Variants in VRK2 observed in about 807,000 individuals in gnomAD.
VRK2 encodes serine/threonine-protein kinase VRK2.
A neutral mutation model predicts 57.6 loss-of-function variants in VRK2; 60 were observed. That is an observed-to-expected ratio of 1.04 (90% CI 0.85 to 1.29). The LOEUF is 1.29. Ranked by LOEUF, VRK2 falls within the 50% of genes most tolerant of loss-of-function variation. VRK2 has a pLI of 0.00. For synonymous variants in VRK2, 231 were observed against 199.2 expected, an observed-to-expected ratio of 1.16 and a Z score of -1.35; for missense variants, 705 against 588.1, an observed-to-expected ratio of 1.20 and a Z score of -2.06.
Position 58,014,780 on chromosome 2 carries a change from A to C in VRK2, c.-438-10885A>C, listed in dbSNP as rs1423738098. ...GATACCACATTTTAGAACTTTTGTT[A>C]GTTTTATAAAAAAGAGACACATTAA... On this transcript the variant is annotated intron_variant, in intron 1 of 15. Transcript: ENST00000417641. Among the ~76,000 whole-genome samples, 4 of 152,196 alleles carry C rather than the reference A, an allele frequency of 2.6e-5. No homozygotes were observed. The East Asian group carries it at 7.7e-4, about 29-fold the overall frequency.
At chr2:58,122,772 A>T (rs11125743) in intron 7 of VRK2, among the ~76,000 whole-genome samples, 33,958 of 152,014 alleles carry the variant, frequency 0.22, 4,136 homozygotes, top group African/African-American at 0.33. Flanking sequence ...GAGCCTCCTC[A>T]ACTGTGTGAA....
intron 1 of VRK2, among the ~76,000 whole-genome samples, chr2:57,971,254 TA>T (rs1312156743): frequency 6.6e-6 from 1 of 152,002 alleles, no homozygotes; most frequent in Non-Finnish European, 1.5e-5. Flanking sequence ...TGGGATAACA[TA>T]GTACTCACTT....
intron 2 of VRK2, among the ~76,000 whole-genome samples, chr2:58,049,568 C>T (rs1390626542): frequency 6.6e-6 from 1 of 152,080 alleles, no homozygotes; most frequent in Non-Finnish European, 1.5e-5. Flanking sequence ...CTTTACATTG[C>T]ATTTAAGCAT....
At chr2:58,099,025 A>G (rs541436700) in intron 7 of VRK2, among the ~76,000 whole-genome samples, 1 of 152,012 alleles carries the variant, frequency 6.6e-6, no homozygotes, top group African/African-American at 2.4e-5. Flanking sequence ...ACAATCGATA[A>G]CTAGAACAGT....
chr2:57,949,719 T>C (rs982083976), intron 1 of VRK2, among the ~76,000 whole-genome samples: 2 of 152,120 alleles, frequency 1.3e-5, no homozygotes, highest in African/African-American at 4.8e-5. Flanking sequence ...AATCAAAAGC[T>C]AGAAATGATT....
chr2:58,004,957 T>C (rs1329907681), intron 1 of VRK2, among the ~76,000 whole-genome samples: 1 of 152,162 alleles, frequency 6.6e-6, no homozygotes, highest in Non-Finnish European at 1.5e-5. Context: ...TACAGTCCAG[T>C]TAGCTGGTCA....
rs575415392 is a variant in VRK2, at chr2:58,049,126, G to A, written c.136+159G>A. 8.5e-4 allele frequency among the ~76,000 whole-genome samples: 129 copies of A among 152,252 alleles called. 1 individual carries two copies. Among genetic ancestry groups the A allele is most frequent in the African/African-American group, 2.9e-3 (120 of 41,554 alleles). The stretch of plus-strand genomic sequence containing the variant: ...AGTAATAATAGAGTACAGTGTCTAG[G>A]TTCAAGACATCACTGACCCACTCCT... On this transcript the variant is annotated intron_variant, in intron 2 of 12. Coordinates refer to ENST00000340157, the MANE Select transcript of VRK2 (RefSeq NM_006296.7).
In VRK2 at chr2:58,089,592, A is replaced by G; in HGVS notation, c.451-39A>G. The G allele has an allele frequency of 4.5e-6, 6 of 1,326,126 alleles. No homozygotes were observed. The South Asian group carries it at 8.0e-5, about 18-fold the overall frequency. 82.1% of individuals were successfully genotyped at this position (1,326,126 alleles called of 1,614,324 possible). A position where few individuals can be genotyped will look rare whatever the true frequency, so the allele number is the denominator to read the frequency against. On this transcript the variant is annotated intron_variant, in intron 6 of 12. Coordinates refer to ENST00000340157, the MANE Select transcript of VRK2 (RefSeq NM_006296.7). ...ATGTTGAAATTGATCATGAGTTCTA[A>G]ATAGCAGTAAACCTTATTTTATCTA...
intron 1 of VRK2, among the ~76,000 whole-genome samples, chr2:58,025,132 ATAGT>A (rs1347913376): frequency 2.0e-5 from 3 of 152,200 alleles, no homozygotes; most frequent in African/African-American, 7.2e-5. Context: ...CACAGATTCT[ATAGT>A]TAAACTTCCT....
At chr2:58,044,094 C>T (rs995234096), upstream of VRK2, among the ~76,000 whole-genome samples, 3 of 152,146 alleles carry the variant, frequency 2.0e-5, no homozygotes, top group African/African-American at 7.2e-5. Flanking sequence ...TAAATTTTTA[C>T]ATGGGGTGTG....
chr2:58,150,938 G>T (rs1354419248), intron 12 of VRK2, among the ~76,000 whole-genome samples: 2 of 150,812 alleles, frequency 1.3e-5, no homozygotes, highest in African/African-American at 4.9e-5. Context: ...GGTTTACTGG[G>T]TATCTTTTTT....
intron 2 of VRK2, among the ~76,000 whole-genome samples, chr2:58,065,670 G>A (rs1668504391): frequency 6.6e-6 from 1 of 151,974 alleles, no homozygotes; most frequent in Non-Finnish European, 1.5e-5. Context: ...TTGATATTGA[G>A]CTAAATCTAT....
chr2:58,026,330 G>C (rs572286731), intron 2 of VRK2, among the ~76,000 whole-genome samples: 1 of 152,128 alleles, frequency 6.6e-6, no homozygotes, highest in East Asian at 1.9e-4. Flanking sequence ...AAGAGAAAGT[G>C]AGGGAATGAG....
At chr2:58,006,542 T>C (rs576120509) in intron 1 of VRK2, among the ~76,000 whole-genome samples, 1 of 152,270 alleles carries the variant, frequency 6.6e-6, no homozygotes, top group African/African-American at 2.4e-5. Context: ...TTCTTGAAAA[T>C]CTTTGTGATC....
chr2:58,134,333 C>T (rs1291709027), intron 9 of VRK2, among the ~76,000 whole-genome samples: 1 of 152,260 alleles, frequency 6.6e-6, no homozygotes, highest in South Asian at 2.1e-4. Context: ...AATATGGGGC[C>T]GGGCGCGGTG....
At chr2:57,926,564 C>G (rs1394610410) in intron 1 of VRK2, among the ~76,000 whole-genome samples, 1 of 150,898 alleles carries the variant, frequency 6.6e-6, no homozygotes, top group Non-Finnish European at 1.5e-5. Context: ...GTTTTATCCT[C>G]TTGCTGAACT....
At chr2:58,127,867 C>T (rs1473003173) in intron 8 of VRK2, among the ~76,000 whole-genome samples, 2 of 152,102 alleles carry the variant, frequency 1.3e-5, no homozygotes, top group East Asian at 1.9e-4. Flanking sequence ...ACACTTTAGG[C>T]AAACAGGGAG....
intron 2 of VRK2, among the ~76,000 whole-genome samples, chr2:58,029,073 G>T (rs1409416527): frequency 6.6e-6 from 1 of 151,068 alleles, no homozygotes; most frequent in Non-Finnish European, 1.5e-5. Context: ...AGACATTCTG[G>T]AAGATGAGAG....
chr2:58,136,914 TC>T lies in VRK2; in HGVS notation c.856+1716del, dbSNP rs1370021358. 2.7e-4 allele frequency among the ~76,000 whole-genome samples: 18 copies of T among 66,076 alleles called. 1 individual carries two copies. Among genetic ancestry groups the T allele is most frequent in the African/African-American group, 1.4e-3 (13 of 9,012 alleles). 43.3% of individuals were successfully genotyped at this position (66,076 alleles called of 152,430 possible). On this transcript the variant is annotated intron_variant, in intron 10 of 12. Transcript: ENST00000340157. Reference sequence around the variant, plus strand: ...TATGTGTATATATATCATATATATATCATATATGTGTATATATCATATATAT... The same window carrying T: ...TATGTGTATATATATCATATATATATATATATGTGTATATATCATATATAT...
Sources: allele counts gnomAD v4.1 joint callset (sites outside exome capture counted in the v4.1 genomes callset), GRCh38; gene constraint gnomAD v4.1.1; transcripts MANE v1.5; gene names NCBI Gene and HGNC (gene_info 2026-07-23, HGNC 2026-07-21).